PCDH15: variants seen among roughly 807,000 people sequenced by gnomAD.
PCDH15 encodes protocadherin-15.
A neutral mutation model predicts 178.5 loss-of-function variants in PCDH15; 129 were observed. The observed-to-expected ratio is 0.72, with a 90% CI of 0.63 to 0.84. The LOEUF (loss-of-function observed/expected upper bound fraction) is 0.84. PCDH15 is among the 40% of genes least tolerant of loss of function. PCDH15 has a pLI of 0.00. For synonymous variants in PCDH15, 800 were observed against 732.0 expected (o/e 1.09, Z -1.50); for missense variants, 2,230 against 2,099.9 (o/e 1.06, Z -1.21).
chr10:54,232,574 G>A (rs2134327803), intron 9 of PCDH15, among the ~76,000 whole-genome samples: 1 of 152,246 alleles, frequency 6.6e-6, no homozygotes, highest in East Asian at 1.9e-4. Context: ...CTTGTTAAAA[G>A]TCTACCCCAA....
At chr10:55,297,747 A>G (rs776143550) in intron 1 of PCDH15, among the ~76,000 whole-genome samples, 6 of 152,120 alleles carry the variant, frequency 3.9e-5, no homozygotes, top group Non-Finnish European at 7.4e-5. Context: ...GACCTCTAGG[A>G]CCCTAGTAAG....
At chr10:54,480,443 C>T (rs865918593) in intron 3 of PCDH15, among the ~76,000 whole-genome samples, 2 of 151,944 alleles carry the variant, frequency 1.3e-5, no homozygotes, top group Non-Finnish European at 2.9e-5. Flanking sequence ...GACTTTAGCA[C>T]ATTACTGCAA....
At chr10:54,563,015 T>A (rs1373399560) in intron 2 of PCDH15, among the ~76,000 whole-genome samples, 1 of 152,136 alleles carries the variant, frequency 6.6e-6, no homozygotes, top group Non-Finnish European at 1.5e-5. Flanking sequence ...TACTCATGTA[T>A]AGGAGATAAA....
At chr10:55,262,104 GA>G (rs1387144065) in intron 1 of PCDH15, among the ~76,000 whole-genome samples, 1 of 119,104 alleles carries the variant, frequency 8.4e-6, no homozygotes, top group Non-Finnish European at 1.6e-5. Flanking sequence ...GGAGAGAAGA[GA>G]AGAGAAATAA....
intron 18 of PCDH15, among the ~76,000 whole-genome samples, chr10:54,041,442 T>G (rs1268971163): frequency 6.6e-6 from 1 of 152,054 alleles, no homozygotes; most frequent in African/African-American, 2.4e-5. Flanking sequence ...AAGAGTAATG[T>G]GTTCTTTGAT....
intron 2 of PCDH15, among the ~76,000 whole-genome samples, chr10:55,330,744 T>C: frequency 6.6e-6 from 1 of 151,826 alleles, no homozygotes; most frequent in East Asian, 1.9e-4. Context: ...AAGCTTAGCT[T>C]TTTGATCCTG....
At chr10:55,233,218 C>A (rs115263260) in intron 1 of PCDH15, among the ~76,000 whole-genome samples, 2,630 of 152,088 alleles carry the variant, frequency 0.017, 49 homozygotes, top group Middle Eastern at 0.034. Flanking sequence ...TTAAAATAAA[C>A]ATGCTTTTTC....
intron 2 of PCDH15, among the ~76,000 whole-genome samples, chr10:54,955,127 G>GA (rs915828770): frequency 6.6e-6 from 1 of 150,966 alleles, no homozygotes; most frequent in Admixed American, 6.6e-5. Context: ...TTCTTGGCAA[G>GA]AAAAAACAAA....
chr10:55,346,298 T>C (rs1844751795), intron 2 of PCDH15, among the ~76,000 whole-genome samples: 2 of 152,158 alleles, frequency 1.3e-5, no homozygotes, highest in East Asian at 3.9e-4. Context: ...CACATTGCAA[T>C]GAAGAAGACA....
upstream of PCDH15, among the ~76,000 whole-genome samples, chr10:54,806,175 A>G (rs1000678647): frequency 2.0e-5 from 3 of 152,238 alleles, no homozygotes; most frequent in African/African-American, 4.8e-5. Context: ...TAGACTTTAC[A>G]AAATAGTTTA....
At chr10:54,617,034 G>A (rs115186501) in intron 2 of PCDH15, among the ~76,000 whole-genome samples, 8 of 150,336 alleles carry the variant, frequency 5.3e-5, no homozygotes, top group Admixed American at 2.0e-4. Flanking sequence ...AAAACATGAC[G>A]TTTTTATTTT....
chr10:55,613,573 T>C (rs1360161474), intron 2 of PCDH15, among the ~76,000 whole-genome samples: 2 of 152,140 alleles, frequency 1.3e-5, no homozygotes, highest in African/African-American at 2.4e-5. Context: ...AGTTCACACA[T>C]AAGGATAATC....
intron 2 of PCDH15, among the ~76,000 whole-genome samples, chr10:55,622,214 C>T (rs1245629611): frequency 2.4e-5 from 3 of 127,046 alleles, no homozygotes; most frequent in Non-Finnish European, 5.0e-5. Flanking sequence ...TCTCACTATG[C>T]TGCCCAGGCT....
chr10:55,036,026 C>G (rs1840727370), intron 2 of PCDH15, among the ~76,000 whole-genome samples: 1 of 152,006 alleles, frequency 6.6e-6, no homozygotes, highest in African/African-American at 2.4e-5. Flanking sequence ...AAACTTAATC[C>G]CCCAAGGAAC....
rs868216430 is a variant in PCDH15 at position 54,518,795 on chromosome 10, T to C, written c.157+9017A>G. Among the ~76,000 whole-genome samples, 3 of 152,130 alleles carry C rather than the reference T, an allele frequency of 2.0e-5. No homozygotes were observed. The South Asian group carries it at 6.2e-4, about 31-fold the overall frequency. On this transcript the variant is annotated intron_variant, in intron 3 of 37. Transcript: ENST00000644397. ...TTAGACCAATATCCTTGATGAACAT[T>C]GATGCAGAAATCCTCAATAAAATAC...
At chr10:54,884,104 A>C (rs1180493021) in intron 3 of PCDH15, among the ~76,000 whole-genome samples, 3 of 152,002 alleles carry the variant, frequency 2.0e-5, no homozygotes, top group Non-Finnish European at 2.9e-5. Context: ...ACAACTGCAC[A>C]CTCAAATCAG....
intron 1 of PCDH15, among the ~76,000 whole-genome samples, chr10:55,259,709 C>T (rs1444167958): frequency 6.6e-6 from 1 of 151,728 alleles, no homozygotes; most frequent in East Asian, 1.9e-4. Flanking sequence ...AGTTCAAGAC[C>T]AGCCTCAACA....
chr10:54,834,168 A>G (rs1953273135), intron 3 of PCDH15, among the ~76,000 whole-genome samples: 1 of 151,920 alleles, frequency 6.6e-6, no homozygotes, highest in Admixed American at 6.6e-5. Context: ...CAAATAGTAA[A>G]ATATATCTAA....
At chr10:55,345,671 T>C (rs1414793482) in intron 2 of PCDH15, among the ~76,000 whole-genome samples, 1 of 104,896 alleles carries the variant, frequency 9.5e-6, no homozygotes, top group Non-Finnish European at 2.0e-5. Flanking sequence ...TTTTCTTGTG[T>C]TGTGTGATAC....
Sources: allele counts gnomAD v4.1 joint callset (sites outside exome capture counted in the v4.1 genomes callset), GRCh38; gene constraint gnomAD v4.1.1; transcripts MANE v1.5; gene names NCBI Gene and HGNC (gene_info 2026-07-23, HGNC 2026-07-21).